The following ADAMTS10 variants were observed in gnomAD, a reference collection of about 807,000 sequenced individuals.
ADAMTS10 encodes ADAM metallopeptidase with thrombospondin type 1 motif 10, also known as A disintegrin and metalloproteinase with thrombospondin motifs 10.
In ADAMTS10, 48 loss-of-function variants were observed where a neutral mutation model predicts 135.9. The observed-to-expected ratio is 0.35, with a 90% CI of 0.28 to 0.45. The LOEUF (loss-of-function observed/expected upper bound fraction) is 0.45. Among genes scored for constraint, ADAMTS10 ranks in the 20% least tolerant of loss-of-function variants. ADAMTS10 has a pLI of 1.00. For missense variants in ADAMTS10, 1,131 were observed against 1,565.2 expected (o/e 0.72, Z 4.68); for synonymous variants, 621 against 647.5 (o/e 0.96, Z 0.62).
At chr19:8,595,701 C>CAG in intron 12 of ADAMTS10, 61 bp downstream of exon 12, 21 of 1,341,822 alleles carry the variant, frequency 1.6e-5, no homozygotes, top group Non-Finnish European at 2.2e-5. Context: ...GTGGAGTTCC[C>CAG]TCCCCCAGCC....
chr19:8,586,517 T>C, intron 20 of ADAMTS10, 41 bp downstream of exon 20: 1 of 1,613,204 alleles, frequency 6.2e-7, no homozygotes. Context: ...ATGGAGTCTC[T>C]AATTCCAAAG....
chr19:8,583,069 C>A (rs934842316), intron 25 of ADAMTS10, among the ~76,000 whole-genome samples: 8 of 150,470 alleles, frequency 5.3e-5, no homozygotes, highest in Non-Finnish European at 1.2e-4. Flanking sequence ...CAGGCATGAG[C>A]CACCTCGCCC....
chr19:8,600,787 C>T lies in ADAMTS10; in HGVS notation c.810+141G>A, dbSNP rs148874164. Reference sequence around the variant, plus strand: ...TGCTGGGATTACAGGTGTGAGCCACCGCGCCCGGCCTGCAACCTTCCTTTC... The same window carrying T: ...TGCTGGGATTACAGGTGTGAGCCACTGCGCCCGGCCTGCAACCTTCCTTTC... On this transcript the variant is annotated intron_variant, in intron 6 of 25. Coordinates refer to ENST00000597188, the MANE Select transcript of ADAMTS10 (RefSeq NM_030957.4). 930 of 1,049,156 alleles carry T rather than the reference C, an allele frequency of 8.9e-4. 1 individual carries two copies. In the African/African-American group the frequency reaches 0.01, roughly 12 times the overall value. 65.0% of individuals were successfully genotyped at this position (1,049,156 alleles called of 1,614,324 possible). A position where few individuals can be genotyped will look rare whatever the true frequency, so the allele number is the denominator to read the frequency against.
chr19:8,607,819 TC>T (rs1226082998), intron 2 of ADAMTS10, among the ~76,000 whole-genome samples: 37 of 79,832 alleles, frequency 4.6e-4, no homozygotes, highest in African/African-American at 7.8e-4. Flanking sequence ...TCTCTCTCTC[TC>T]TTTTTTTTTG....
rs782059577 is a variant in ADAMTS10 at position 8,596,105 on chromosome 19, G to A, written c.1305C>T (p.Ser435=). Residue 435 remains serine (S), a synonymous_variant, in exon 11 of 26, where the codon TCC becomes TCT. Coordinates refer to ENST00000597188, the MANE Select transcript of ADAMTS10 (RefSeq NM_030957.4). This position sits in a 1 kb window ranked among gnomAD's most constrained non-coding sequence, Gnocchi z 7.2. The part of the protein sequence containing the change: ...TMKTNPFVWS[S]CSRDYITSFL... ...AGCTGGTGATGTAGTCACGGCTGCA[G>A]GATGACCACACGAATGGGTTGGTCT... The A allele has an allele frequency of 6.2e-7, 1 of 1,614,074 alleles. No homozygotes were observed. The highest frequency in any genetic ancestry group is 1.3e-5 in the African/African-American group (1 of 74,934).
intron 18 of ADAMTS10, among the ~76,000 whole-genome samples, chr19:8,588,971 T>C (rs1555738008): frequency 1.3e-5 from 2 of 152,044 alleles, no homozygotes; most frequent in Non-Finnish European, 2.9e-5. Flanking sequence ...TTTGTATTTT[T>C]AGTAGAAACA....
intron 25 of ADAMTS10, among the ~76,000 whole-genome samples, chr19:8,583,825 C>T (rs2146034840): frequency 6.6e-6 from 1 of 151,890 alleles, no homozygotes; most frequent in East Asian, 1.9e-4. Flanking sequence ...CTACTGCACT[C>T]CAACGTGGGT....
intron 13 of ADAMTS10, among the ~76,000 whole-genome samples, chr19:8,592,518 G>T (rs1555739298): frequency 6.6e-6 from 1 of 151,838 alleles, no homozygotes. Flanking sequence ...CGGTGGGCGT[G>T]GCCAACGCGG....
chr19:8,592,698 G>A, intron 13 of ADAMTS10, 65 bp downstream of exon 13: 1 of 1,473,336 alleles, frequency 6.8e-7, no homozygotes. Context: ...AGGCGGGTAG[G>A]CGTGGCCAAC....
chr19:8,594,564 G>C (rs1391424938), intron 12 of ADAMTS10, among the ~76,000 whole-genome samples: 1 of 152,100 alleles, frequency 6.6e-6, no homozygotes, highest in Non-Finnish European at 1.5e-5. Context: ...CCCCTCCCCT[G>C]CCCCTTTGTA....
In ADAMTS10 at chr19:8,598,307, CCT is replaced by C. The variant is rs1280127398; in HGVS notation, c.811-992_811-991del. On this transcript the variant is annotated intron_variant, in intron 6 of 25. Transcript: ENST00000597188. ...TTGTCCCCCAACCCCTGCTTACCCC[CCT>C]GACTGCCTCAAGCATCTTTGTCCAG... 1.8e-4 allele frequency among the ~76,000 whole-genome samples: 28 copies of C among 152,038 alleles called. 1 individual carries two copies. Among genetic ancestry groups the C allele is most frequent in the Non-Finnish European group, 7.4e-5 (5 of 68,018 alleles).
intron 18 of ADAMTS10, among the ~76,000 whole-genome samples, chr19:8,587,332 C>CTT (rs1568394348): frequency 1.1e-5 from 1 of 92,494 alleles, no homozygotes; most frequent in Non-Finnish European, 2.2e-5. Context: ...AACTAAAAAA[C>CTT]CTTTTTTTTT....
chr19:8,591,454 T>G (rs1294282488), intron 15 of ADAMTS10, among the ~76,000 whole-genome samples: 3 of 150,484 alleles, frequency 2.0e-5, no homozygotes, highest in South Asian at 4.2e-4. Context: ...TTTTTTTTTT[T>G]TTTTTGAGAT....
At chr19:8,598,148 C>T (rs892815750) in intron 6 of ADAMTS10, among the ~76,000 whole-genome samples, 3 of 152,162 alleles carry the variant, frequency 2.0e-5, no homozygotes, top group Non-Finnish European at 2.9e-5. Flanking sequence ...GTGCTATTAT[C>T]ATCCCCAATT....
intron 6 of ADAMTS10, among the ~76,000 whole-genome samples, chr19:8,599,764 C>T (rs1178985353): frequency 6.6e-6 from 1 of 152,168 alleles, no homozygotes; most frequent in Non-Finnish European, 1.5e-5. Flanking sequence ...CATGTGCCAC[C>T]ATGCTCTGCT....
At chr19:8,585,724 G>T (rs1256912396) in intron 22 of ADAMTS10, 64 bp from the exon 23 acceptor site, 3 of 1,504,974 alleles carry the variant, frequency 2.0e-6, no homozygotes, top group Non-Finnish European at 2.7e-6. Flanking sequence ...AACAGCAGGG[G>T]GCACTATAGC....
intron 6 of ADAMTS10, among the ~76,000 whole-genome samples, chr19:8,600,500 CTTTTTTTT>C (rs797035354): frequency 7.7e-6 from 1 of 129,842 alleles, no homozygotes; most frequent in Non-Finnish European, 1.6e-5. Flanking sequence ...TCTTTCTTTT[CTTTTTTTT>C]TTTTTTTTTT....
intron 25 of ADAMTS10, 103 bp downstream of exon 25, chr19:8,584,792 C>G (rs1393679781): frequency 4.1e-6 from 6 of 1,466,354 alleles, no homozygotes; most frequent in Non-Finnish European, 4.6e-6. Flanking sequence ...AATGCATTTC[C>G]GAGGTTCCAG....
chr19:8,596,777 G>A lies in ADAMTS10; in HGVS notation c.1041-192C>T, dbSNP rs1669607915. Among the ~76,000 whole-genome samples the A allele has an allele frequency of 6.6e-6, 1 of 152,174 alleles. No homozygotes were observed. The highest frequency in any genetic ancestry group is 6.5e-5 in the Admixed American group (1 of 15,268). ...CATGCATGCATGAGTGGGAGAATAA[G>A]TGAATGAGGGCATCGGTGCCCAAAT... On this transcript the variant is annotated intron_variant, in intron 8 of 25. Transcript: ENST00000597188. The surrounding 1 kb of genome is among the most constrained non-coding windows in gnomAD (Gnocchi z 7.2).
Sources: allele counts gnomAD v4.1 joint callset (sites outside exome capture counted in the v4.1 genomes callset), GRCh38; gene constraint gnomAD v4.1.1; non-coding constraint Gnocchi (gnomAD v3.1); transcripts MANE v1.5; gene names NCBI Gene and HGNC (gene_info 2026-07-23, HGNC 2026-07-21).